Variants in NPR3 observed in about 807,000 individuals in gnomAD.
The protein encoded by NPR3 is natriuretic peptide receptor 3, also known as atrial natriuretic peptide receptor 3.
A neutral mutation model predicts 54.5 loss-of-function variants in NPR3; 34 were observed. The ratio of observed to expected loss-of-function variants is 0.62; its 90% CI spans 0.47 to 0.83. NPR3 has a LOEUF of 0.83. NPR3 is among the 40% of genes least tolerant of loss of function. The pLI is 0.00. For missense variants in NPR3, 674 were observed against 720.8 expected, an observed-to-expected ratio of 0.94 and a Z score of 0.74; for synonymous variants, 289 against 297.1, an observed-to-expected ratio of 0.97 and a Z score of 0.28.
chr5:32,776,269 A>G (rs1742042386), intron 4 of NPR3, among the ~76,000 whole-genome samples: 1 of 152,136 alleles, frequency 6.6e-6, no homozygotes, highest in Non-Finnish European at 1.5e-5. Flanking sequence ...ACAGTTACAT[A>G]TTTTTCTACT....
At chr5:32,722,395 G>A (rs998789924) in intron 1 of NPR3, among the ~76,000 whole-genome samples, 1 of 152,130 alleles carries the variant, frequency 6.6e-6, no homozygotes, top group Non-Finnish European at 1.5e-5. Context: ...CTCAGGTATA[G>A]GGCATGTTGA....
rs1050988940 is a variant in NPR3 at position 32,787,783 on chromosome 5, T to C, written c.*1438T>C. 1 of 152,130 alleles carries C rather than the reference T, an allele frequency of 6.6e-6. No individual in the cohort carries two copies. The highest frequency in any genetic ancestry group is 2.4e-5 in the African/African-American group (1 of 41,420). 9.4% of individuals were successfully genotyped at this position (152,130 alleles called of 1,614,324 possible). A position where few individuals can be genotyped will look rare whatever the true frequency, so the allele number is the denominator to read the frequency against. On this transcript the variant is annotated 3_prime_UTR_variant, in exon 8 of 8. Transcript: ENST00000265074. ...TCAGGTTACTACTTTCACTTATACT[T>C]TATGGAGAAGATAGACAGTGAGGGA...
At chr5:32,704,118 T>C (rs1737915487) in intron 1 of NPR3, among the ~76,000 whole-genome samples, 1 of 152,180 alleles carries the variant, frequency 6.6e-6, no homozygotes, top group Admixed American at 6.5e-5. Context: ...CCAGTATTTC[T>C]TTCTGCTGTT....
chr5:32,769,736 C>G (rs1381524095), intron 3 of NPR3, among the ~76,000 whole-genome samples: 1 of 152,232 alleles, frequency 6.6e-6, no homozygotes, highest in Non-Finnish European at 1.5e-5. Context: ...CCAGCAGCCT[C>G]TATCTGAGAG....
intron 1 of NPR3, among the ~76,000 whole-genome samples, chr5:32,696,411 T>A (rs1740533788): frequency 3.3e-5 from 5 of 152,288 alleles, no homozygotes; most frequent in Admixed American, 3.3e-4. Flanking sequence ...CTTTACAGTA[T>A]AACTTAAAGT....
intron 3 of NPR3, among the ~76,000 whole-genome samples, chr5:32,773,234 G>A (rs988393416): frequency 1.3e-5 from 2 of 152,134 alleles, no homozygotes; most frequent in Non-Finnish European, 2.9e-5. Flanking sequence ...AAATGAGAAG[G>A]CTTGGATTTT....
chr5:32,773,292 G>A (rs975186120), intron 3 of NPR3, among the ~76,000 whole-genome samples: 4 of 152,164 alleles, frequency 2.6e-5, no homozygotes, highest in African/African-American at 9.7e-5. Flanking sequence ...GGTGTTTCAA[G>A]ATTCAATTTG....
intron 1 of NPR3, among the ~76,000 whole-genome samples, chr5:32,702,584 C>T (rs1737852192): frequency 6.6e-6 from 1 of 152,114 alleles, no homozygotes; most frequent in African/African-American, 2.4e-5. Context: ...CTACAAAGGA[C>T]ATGAACTCAT....
intron 1 of NPR3, among the ~76,000 whole-genome samples, chr5:32,697,670 T>C (rs986334910): frequency 2.0e-5 from 3 of 152,154 alleles, no homozygotes; most frequent in Non-Finnish European, 4.4e-5. Flanking sequence ...ACCTTGTTAC[T>C]TGTTATTGGT....
upstream of NPR3, chr5:32,710,910 GTGTGTGTA>G: frequency 1.1e-6 from 1 of 875,860 alleles, no homozygotes; most frequent in Non-Finnish European, 1.6e-6. Context: ...GTGTGTGTGT[GTGTGTGTA>G]TGTGTGCGTG....
intron 4 of NPR3, among the ~76,000 whole-genome samples, chr5:32,775,449 C>T (rs1741995786): frequency 6.6e-6 from 1 of 152,066 alleles, no homozygotes; most frequent in African/African-American, 2.4e-5. Flanking sequence ...CGCCTGCCAC[C>T]ACACCTGGCT....
At chr5:32,722,107 A>G (rs1738895456) in intron 1 of NPR3, among the ~76,000 whole-genome samples, 1 of 152,176 alleles carries the variant, frequency 6.6e-6, no homozygotes, top group African/African-American at 2.4e-5. Flanking sequence ...CATAGCAGGA[A>G]GAGAGAGAAG....
chr5:32,742,500 GTATATGTATGCT>G, intron 3 of NPR3, among the ~76,000 whole-genome samples: 1 of 152,022 alleles, frequency 6.6e-6, no homozygotes, highest in Admixed American at 6.5e-5. Flanking sequence ...ATATAATTAA[GTATATGTATGCT>G]TAATTGAATT....
At chr5:32,693,014 C>T (rs1355937065) in intron 1 of NPR3, among the ~76,000 whole-genome samples, 1 of 151,984 alleles carries the variant, frequency 6.6e-6, no homozygotes, top group Non-Finnish European at 1.5e-5. Flanking sequence ...TCCATCTACT[C>T]AGGAGGCTGA....
chr5:32,724,360 C>T (rs534848327), intron 1 of NPR3, among the ~76,000 whole-genome samples: 17 of 152,220 alleles, frequency 1.1e-4, no homozygotes, highest in Non-Finnish European at 2.2e-4. Flanking sequence ...GAGCGTAGGC[C>T]GATTTTCTAC....
At chr5:32,760,229 C>T (rs980979181) in intron 3 of NPR3, among the ~76,000 whole-genome samples, 13 of 151,818 alleles carry the variant, frequency 8.6e-5, no homozygotes, top group Non-Finnish European at 1.9e-4. Flanking sequence ...GAGTAAACAT[C>T]CAGGAATGGA....
upstream of NPR3, chr5:32,709,857 C>A (rs901165042): frequency 2.0e-5 from 3 of 152,136 alleles, no homozygotes; most frequent in African/African-American, 7.2e-5. Flanking sequence ...AAAAACGCAG[C>A]GTCTGGGACT....
At chr5:32,719,525 A>T (rs1738734640) in intron 1 of NPR3, among the ~76,000 whole-genome samples, 1 of 152,146 alleles carries the variant, frequency 6.6e-6, no homozygotes, top group South Asian at 2.1e-4. Context: ...ATCAGTTTGG[A>T]TTCTGAACTT....
intron 3 of NPR3, among the ~76,000 whole-genome samples, chr5:32,763,423 A>C (rs1424398141): frequency 6.6e-6 from 1 of 152,032 alleles, no homozygotes; most frequent in South Asian, 2.1e-4. Flanking sequence ...CCTGGGTTCA[A>C]ACAACTTTCC....
Sources: allele counts gnomAD v4.1 joint callset (sites outside exome capture counted in the v4.1 genomes callset), GRCh38; gene constraint gnomAD v4.1.1; transcripts MANE v1.5; gene names NCBI Gene and HGNC (gene_info 2026-07-23, HGNC 2026-07-21).